Variants in BTD observed in about 807,000 individuals in gnomAD.
BTD encodes the protein biocytinase.
BTD carries 13 observed loss-of-function variants against 17.7 expected under a neutral mutation model. The observed-to-expected ratio is 0.74, with a 90% CI of 0.48 to 1.17. BTD has a LOEUF of 1.17. Ranked by LOEUF, BTD falls within the 50% of genes most tolerant of loss-of-function variation. The pLI is 0.00. For missense variants in BTD, 674 were observed against 650.4 expected, an observed-to-expected ratio of 1.04 and a Z score of -0.39; for synonymous variants, 240 against 245.2, an observed-to-expected ratio of 0.98 and a Z score of 0.20.
downstream of BTD, among the ~76,000 whole-genome samples, chr3:15,656,959 C>T (rs150863295): frequency 3.3e-4 from 51 of 152,264 alleles, no homozygotes; most frequent in Admixed American, 7.9e-4. Context: ...TCTTTCTGGC[C>T]GGAGTGGTGG....
intron 3 of BTD, among the ~76,000 whole-genome samples, chr3:15,642,454 CTTTTTT>C: frequency 7.4e-6 from 1 of 135,770 alleles, no homozygotes; most frequent in Non-Finnish European, 1.6e-5. Flanking sequence ...TTGACATCCT[CTTTTTT>C]TTTTTTTTTT....
downstream of BTD, among the ~76,000 whole-genome samples, chr3:15,716,450 C>A (rs1445109517): frequency 6.6e-6 from 1 of 151,776 alleles, no homozygotes; most frequent in Non-Finnish European, 1.5e-5. Flanking sequence ...TAACATTACA[C>A]CTGGCTAATT....
intron 3 of BTD, chr3:15,670,123 C>T: frequency 1.2e-6 from 1 of 867,628 alleles, no homozygotes; most frequent in South Asian, 2.1e-5. Context: ...TAAAACTCTT[C>T]CTCCTAATGC....
intron 3 of BTD, chr3:15,709,794 G>C (rs1271598815): frequency 8.2e-7 from 1 of 1,213,628 alleles, no homozygotes; most frequent in African/African-American, 1.5e-5. Flanking sequence ...TAATGAAATT[G>C]GTAGGTTTAA....
chr3:15,601,906 G>A lies in BTD; in HGVS notation c.-17+12G>A. On this transcript the variant is annotated intron_variant, in intron 1 of 3. Coordinates refer to ENST00000643237, the MANE Select transcript of BTD (RefSeq NM_001370658.1). ...CGCGCTAAGAGCAGGTACGGAGGGGGCGTGGTGCGGCGCGGAGGGGGTGTG... is the reference window on the plus strand; with the variant it reads ...CGCGCTAAGAGCAGGTACGGAGGGGACGTGGTGCGGCGCGGAGGGGGTGTG... The A allele has an allele frequency of 6.2e-7, 1 of 1,613,364 alleles. No homozygotes were observed. Among genetic ancestry groups the A allele is most frequent in the Non-Finnish European group, 8.5e-7 (1 of 1,180,020 alleles).
At chr3:15,696,313 CTG>C in intron 3 of BTD, 3 of 1,044,618 alleles carry the variant, frequency 2.9e-6, no homozygotes, top group East Asian at 5.3e-5. Flanking sequence ...TAAAAAGAGA[CTG>C]AAATTAAAAA....
downstream of BTD, among the ~76,000 whole-genome samples, chr3:15,715,570 C>T (rs528539741): frequency 2.8e-4 from 42 of 152,174 alleles, 5 homozygotes; most frequent in Admixed American, 1.0e-3. Flanking sequence ...GGAGGCAGTA[C>T]GAGAAAGGAA....
chr3:15,695,248 TG>T, intron 3 of BTD: 2 of 1,480,994 alleles, frequency 1.4e-6, no homozygotes, highest in Non-Finnish European at 1.9e-6. Flanking sequence ...ATATTTAGCT[TG>T]GGAAGTATTC....
At chr3:15,614,031 G>C (rs1456973617) in intron 1 of BTD, among the ~76,000 whole-genome samples, 2 of 150,122 alleles carry the variant, frequency 1.3e-5, no homozygotes, top group East Asian at 3.9e-4. Context: ...ATGGATTTCT[G>C]TATTTTATTA....
At chr3:15,619,202 C>G (rs73817026) in intron 1 of BTD, among the ~76,000 whole-genome samples, 6,568 of 152,274 alleles carry the variant, frequency 0.043, 405 homozygotes, top group African/African-American at 0.14. Flanking sequence ...TCAAGTTGAG[C>G]AAGTTCCCCT....
chr3:15,672,146 A>T (rs191993169), intron 3 of BTD, among the ~76,000 whole-genome samples: 100 of 136,582 alleles, frequency 7.3e-4, no homozygotes, highest in African/African-American at 2.6e-3. Flanking sequence ...TAAAAAAAGG[A>T]TTTTTTTTTT....
chr3:15,707,802 A>T, intron 3 of BTD: 1 of 1,194,300 alleles, frequency 8.4e-7, no homozygotes, highest in Non-Finnish European at 1.2e-6. Context: ...AAATAGACTT[A>T]GGGCAAAGAT....
rs547577444 is a variant in BTD, at chr3:15,670,592, C to T, written c.399+28535C>T. The T allele has an allele frequency of 6.4e-4, 1,019 of 1,583,172 alleles. 14 individuals are homozygous for T. In the South Asian group the frequency reaches 0.011, roughly 17 times the overall value. On this transcript the variant is annotated intron_variant, in intron 3 of 3. Coordinates refer to the BTD transcript ENST00000672141. ...AGATAAAATTTAAAAATTAAGCATC[C>T]TGAGATGTATTTCACCAAAGACAAG...
At chr3:15,625,371 A>G (rs1284893495) in intron 1 of BTD, among the ~76,000 whole-genome samples, 2 of 152,156 alleles carry the variant, frequency 1.3e-5, no homozygotes, top group Non-Finnish European at 2.9e-5. Context: ...AGGCCTGCTA[A>G]AGACCAGAAT....
chr3:15,619,892 G>C (rs1363786036), intron 1 of BTD, among the ~76,000 whole-genome samples: 1 of 152,206 alleles, frequency 6.6e-6, no homozygotes, highest in Non-Finnish European at 1.5e-5. Flanking sequence ...AGACCAGCAA[G>C]TTTTTATTAA....
intron 3 of BTD, chr3:15,676,068 C>G: frequency 8.2e-7 from 1 of 1,217,828 alleles, no homozygotes; most frequent in Non-Finnish European, 1.1e-6. Context: ...TGTCAAAGAG[C>G]ATTTTTGTCA....
rs2065334085 is a variant in BTD at position 15,635,850 on chromosome 3, C to T, written c.249+162C>T. 6.6e-6 allele frequency among the ~76,000 whole-genome samples: 1 copy of T among 152,156 alleles called. No homozygotes were observed. The highest frequency in any genetic ancestry group is 2.4e-5 in the African/African-American group (1 of 41,432). On this transcript the variant is annotated intron_variant, in intron 2 of 3. Coordinates refer to ENST00000643237, the MANE Select transcript of BTD (RefSeq NM_001370658.1). The surrounding 1 kb of genome is among the most constrained non-coding windows in gnomAD (Gnocchi z 4.1). The stretch of plus-strand genomic sequence containing the variant: ...AGTCAGTTGAATTAGGAGCCTTACC[C>T]CTCAGAGAGTGGTCCGTGGACCGGC...
chr3:15,705,653 T>A (rs1279759688), intron 3 of BTD, among the ~76,000 whole-genome samples: 1 of 152,226 alleles, frequency 6.6e-6, no homozygotes, highest in Non-Finnish European at 1.5e-5. Flanking sequence ...AGTTGCTATC[T>A]AAAAACATAC....
intron 2 of BTD, among the ~76,000 whole-genome samples, chr3:15,636,275 C>T (rs2065345677): frequency 6.6e-6 from 1 of 152,158 alleles, no homozygotes; most frequent in South Asian, 2.1e-4. Context: ...GTTTGAGGCT[C>T]GTTTCCGGTC....
Sources: gnomAD v4.1 joint callset for allele counts (sites outside exome capture counted in the v4.1 genomes callset) on GRCh38, gnomAD v4.1.1 for gene constraint, Gnocchi (gnomAD v3.1) non-coding constraint, MANE v1.5 for transcripts, NCBI Gene and HGNC (gene_info 2026-07-23, HGNC 2026-07-21) for gene names.